Variants in CACNA1A observed in about 807,000 individuals in gnomAD.
CACNA1A encodes voltage-dependent P/Q-type calcium channel subunit alpha-1A.
A neutral mutation model predicts 262.4 loss-of-function variants in CACNA1A; 57 were observed. That is an observed-to-expected ratio of 0.22 (90% CI 0.18 to 0.27). The LOEUF is 0.27. Ranked by LOEUF, CACNA1A falls within the 10% of genes least tolerant of loss-of-function variation. CACNA1A has a pLI of 1.00. For missense variants in CACNA1A, 2,526 were observed against 3,562.8 expected (o/e 0.71, Z 7.41); for synonymous variants, 1,431 against 1,419.3 (o/e 1.01, Z -0.18).
At chr19:13,391,769 G>A (rs2059714282) in intron 3 of CACNA1A, among the ~76,000 whole-genome samples, 1 of 152,076 alleles carries the variant, frequency 6.6e-6, no homozygotes, top group South Asian at 2.1e-4. Context: ...GGGCGTGCTG[G>A]CTCACACCTG....
At chr19:13,458,167 A>AT (rs35123591) in intron 1 of CACNA1A, among the ~76,000 whole-genome samples, 3 of 151,784 alleles carry the variant, frequency 2.0e-5, no homozygotes, top group Non-Finnish European at 2.9e-5. Context: ...TTTTACTTTT[A>AT]TTTTTTTAAA....
rs77790205 is a variant in CACNA1A at position 13,277,322 on chromosome 19, T to C, written c.3823-194A>G. On this transcript the variant is annotated intron_variant, in intron 22 of 46. Coordinates refer to ENST00000360228, the MANE Select transcript of CACNA1A (RefSeq NM_001127222.2). ...CTTTTCATACTGCAGATTTGTATGTTGTGAATGAAATTGTCCAGCAGATGG... is the reference window on the plus strand; with the variant it reads ...CTTTTCATACTGCAGATTTGTATGTCGTGAATGAAATTGTCCAGCAGATGG... 795 of 516,060 alleles carry C rather than the reference T, an allele frequency of 1.5e-3. 24 individuals are homozygous for C. In the East Asian group the frequency reaches 0.02, roughly 13 times the overall value. 32.0% of individuals were successfully genotyped at this position (516,060 alleles called of 1,614,324 possible).
intron 11 of CACNA1A, chr19:13,315,202 T>C (rs959933756): frequency 1.3e-5 from 1 of 75,114 alleles, no homozygotes; most frequent in South Asian, 4.9e-4. Context: ...GTATCTTTTT[T>C]TTTTTTTTTT....
chr19:13,207,895 CTG>C lies in CACNA1A; in HGVS notation c.6937_6938del (p.Gln2313AlafsTer189). 1.4e-6 allele frequency: 2 copies of C among 1,393,966 alleles called. No individual in the cohort carries two copies. The highest frequency in any genetic ancestry group is 1.9e-6 in the Non-Finnish European group (2 of 1,075,690). 86.3% of individuals were successfully genotyped at this position (1,393,966 alleles called of 1,614,324 possible). The part of the protein sequence containing the change: ...IRKAGGSGPP[Q>X]QQQQQQQQQQ... ...GCTGCTGCTGCTGCTGCTGCTGCTG[CTG>C]CGGGGGCCCCGAGCCGCCGGCCTTA... On this transcript the variant is annotated frameshift_variant, in exon 47 of 47. Transcript: ENST00000360228. LOFTEE classifies it low-confidence loss of function (END_TRUNC). This position sits in a 1 kb window ranked among gnomAD's most constrained non-coding sequence, Gnocchi z 5.7.
intron 19 of CACNA1A, among the ~76,000 whole-genome samples, chr19:13,291,633 T>C (rs1473433719): frequency 2.1e-5 from 2 of 97,360 alleles, no homozygotes; most frequent in Non-Finnish European, 4.0e-5. Flanking sequence ...ACCCCATCTC[T>C]AAAAAAAAAA....
At chr19:13,295,923 G>A (rs1279941107) in intron 19 of CACNA1A, among the ~76,000 whole-genome samples, 1 of 152,190 alleles carries the variant, frequency 6.6e-6, no homozygotes, top group Non-Finnish European at 1.5e-5. Context: ...AGACTCTTTT[G>A]TATATGGAAC....
intron 3 of CACNA1A, among the ~76,000 whole-genome samples, chr19:13,384,600 T>C (rs939580703): frequency 6.6e-6 from 1 of 152,158 alleles, no homozygotes. Flanking sequence ...CTTGGGAGGC[T>C]GAGGCAGGAG....
chr19:13,336,596 A>AGAGAGAGGGAGAGAGAGAGAGG (rs763741285), intron 6 of CACNA1A, among the ~76,000 whole-genome samples: 1 of 89,602 alleles, frequency 1.1e-5, no homozygotes, highest in Non-Finnish European at 2.1e-5. Flanking sequence ...AGAGAGAGGG[A>AGAGAGAGGGAGAGAGAGAGAGG]GAGAGAGAGA....
intron 10 of CACNA1A, 81 bp from the exon 11 acceptor site, chr19:13,317,402 T>C: frequency 1.7e-6 from 2 of 1,197,546 alleles, no homozygotes; most frequent in Non-Finnish European, 2.4e-6. Flanking sequence ...CAAGCACAGA[T>C]TTTAGCCAGG....
At chr19:13,326,157 A>G (rs2058357689) in intron 10 of CACNA1A, among the ~76,000 whole-genome samples, 6 of 151,894 alleles carry the variant, frequency 4.0e-5, no homozygotes, top group South Asian at 4.2e-4. Context: ...CTCTACTAAC[A>G]GTACAAAAAT....
intron 20 of CACNA1A, among the ~76,000 whole-genome samples, chr19:13,285,980 A>G (rs2057388733): frequency 8.1e-6 from 1 of 124,028 alleles, no homozygotes; most frequent in Non-Finnish European, 1.6e-5. Context: ...TTTTTTTGAG[A>G]CAGTCTCGCT....
rs910454701 is a variant in CACNA1A, at chr19:13,211,087, C to T, written c.6304-435G>A. 3.8e-5 allele frequency: 8 copies of T among 211,764 alleles called. No homozygotes were observed. The South Asian group carries it at 5.6e-4, about 15-fold the overall frequency. The allele number at this position is 211,764 out of a possible 1,614,324, so 13.1% of individuals were successfully genotyped here. ...CCAACCCTCTCCTGGGGCCCAGCAG[C>T]TCGGTCCTGAGGGAGCAGCAGCATG... On this transcript the variant is annotated intron_variant, in intron 43 of 46. Coordinates refer to ENST00000360228, the MANE Select transcript of CACNA1A (RefSeq NM_001127222.2).
intron 1 of CACNA1A, among the ~76,000 whole-genome samples, chr19:13,496,083 TC>T: frequency 1.7e-5 from 2 of 116,518 alleles, no homozygotes; most frequent in South Asian, 4.6e-4. Flanking sequence ...CATCCATCCA[TC>T]CATCCACCCA....
At position 13,236,150 on chromosome 19, in the gene CACNA1A, G is replaced by A. The variant is rs180678546; in HGVS notation, c.4951-420C>T. Among the ~76,000 whole-genome samples the A allele has an allele frequency of 6.7e-6, 1 of 148,674 alleles. No individual in the cohort carries two copies. Among genetic ancestry groups the A allele is most frequent in the African/African-American group, 2.5e-5 (1 of 40,382 alleles). On this transcript the variant is annotated intron_variant, in intron 31 of 46. Coordinates refer to ENST00000360228, the MANE Select transcript of CACNA1A (RefSeq NM_001127222.2). This position sits in a 1 kb window ranked among gnomAD's most constrained non-coding sequence, Gnocchi z 4.6. ...TCCCAACAACCAAATGCACTGAGACGAAAGGACACAAGCCGGTCAAGTTGC... is the reference window on the plus strand; with the variant it reads ...TCCCAACAACCAAATGCACTGAGACAAAAGGACACAAGCCGGTCAAGTTGC...
At chr19:13,463,495 A>G (rs1191366876) in intron 1 of CACNA1A, among the ~76,000 whole-genome samples, 1 of 152,156 alleles carries the variant, frequency 6.6e-6, no homozygotes, top group Admixed American at 6.5e-5. Context: ...GCTGCCCGGG[A>G]TGTTTTCAGC....
chr19:13,309,692 CAAATA>C, intron 12 of CACNA1A, among the ~76,000 whole-genome samples: 1 of 151,608 alleles, frequency 6.6e-6, no homozygotes, highest in Middle Eastern at 3.4e-3. Context: ...GACCCTATCT[CAAATA>C]AAATAAAAAA....
chr19:13,332,405 A>G (rs1166270196), intron 9 of CACNA1A, among the ~76,000 whole-genome samples: 1 of 150,480 alleles, frequency 6.6e-6, no homozygotes, highest in East Asian at 1.9e-4. Flanking sequence ...GTCTCAATTA[A>G]AAAAAAAAGA....
intron 11 of CACNA1A, chr19:13,316,730 A>G (rs2292033): frequency 0.088 from 14,451 of 163,730 alleles, 837 homozygotes; most frequent in African/African-American, 0.17. Flanking sequence ...AGTTATGAAC[A>G]TTTCCAGAGA....
chr19:13,217,201 G>A (rs768112218), intron 38 of CACNA1A, among the ~76,000 whole-genome samples: 4 of 148,288 alleles, frequency 2.7e-5, no homozygotes, highest in Non-Finnish European at 5.9e-5. Context: ...GAGAACAGAG[G>A]GGTGGGTGGG....
Sources: gnomAD v4.1 joint callset for allele counts (sites outside exome capture counted in the v4.1 genomes callset) on GRCh38, gnomAD v4.1.1 for gene constraint, Gnocchi (gnomAD v3.1) non-coding constraint, MANE v1.5 for transcripts, NCBI Gene and HGNC (gene_info 2026-07-23, HGNC 2026-07-21) for gene names.